Variants in SP110 observed in about 807,000 individuals in gnomAD.
SP110 encodes interferon-induced protein 41, 30kD.
Under a neutral mutation model 92.7 loss-of-function variants are expected in SP110, and 62 were observed. The observed-to-expected ratio is 0.67, with a 90% confidence interval of 0.55 to 0.83. The LOEUF is 0.83. Ranked by LOEUF, SP110 falls within the 40% of genes least tolerant of loss-of-function variation. The pLI, the probability that SP110 is intolerant of heterozygous loss-of-function variation, is 0.00. For missense variants in SP110, 793 were observed against 863.9 expected, an observed-to-expected ratio of 0.92 and a Z score of 1.03; for synonymous variants, 273 against 305.3, an observed-to-expected ratio of 0.89 and a Z score of 1.10.
chr2:230,184,144 C>T (rs1001149758), intron 11 of SP110, among the ~76,000 whole-genome samples: 1 of 152,222 alleles, frequency 6.6e-6, no homozygotes, highest in Non-Finnish European at 1.5e-5. Context: ...CTTTGTCACG[C>T]TACTCAGAAC....
chr2:230,217,752 C>T (rs547167317), intron 1 of SP110, among the ~76,000 whole-genome samples: 1 of 152,292 alleles, frequency 6.6e-6, no homozygotes, highest in Non-Finnish European at 1.5e-5. Context: ...GTTCTATGGC[C>T]ACACTGATCT....
intron 8 of SP110, among the ~76,000 whole-genome samples, chr2:230,207,064 G>A (rs2043944023): frequency 6.6e-6 from 1 of 152,158 alleles, no homozygotes; most frequent in African/African-American, 2.4e-5. Flanking sequence ...CTGGCCTTTG[G>A]AAAGATGCAT....
At chr2:230,177,031 T>C (rs1440577680) in intron 14 of SP110, among the ~76,000 whole-genome samples, 1 of 152,238 alleles carries the variant, frequency 6.6e-6, no homozygotes, top group African/African-American at 2.4e-5. Flanking sequence ...TAGGATTTCA[T>C]CCTAGTGATA....
In SP110 at chr2:230,205,389, C is replaced by A. The variant is rs73100099; in HGVS notation, c.898+2602G>T. 7.6e-3 allele frequency among the ~76,000 whole-genome samples: 1,151 copies of A among 152,280 alleles called. 9 individuals carry two copies. The highest frequency in any genetic ancestry group is 0.026 in the African/African-American group (1,083 of 41,558). ...TTCTTTGCACTTTTGAGTCCCTCTG[C>A]CTGGACCATCCAATCCAAAGTGACT... is the stretch of plus-strand genomic sequence containing the variant. On this transcript the variant is annotated intron_variant, in intron 8 of 18. Coordinates refer to ENST00000258381, the MANE Select transcript of SP110 (RefSeq NM_080424.4).
At chr2:230,179,790 C>T (rs1220338391) in intron 12 of SP110, among the ~76,000 whole-genome samples, 2 of 151,764 alleles carry the variant, frequency 1.3e-5, no homozygotes, top group Non-Finnish European at 2.9e-5. Context: ...CATTCACAAG[C>T]AGATGAGGGA....
chr2:230,208,741 C>G (rs1482044785), intron 7 of SP110, among the ~76,000 whole-genome samples: 1 of 152,190 alleles, frequency 6.6e-6, no homozygotes, highest in African/African-American at 2.4e-5. Flanking sequence ...AGTGAGTGCA[C>G]TCTGCCCTGC....
At position 230,211,454 on chromosome 2, in the gene SP110, A is replaced by G; in HGVS notation, c.751+16T>C. On this transcript the variant is annotated intron_variant, in intron 6 of 18. Transcript: ENST00000258381. The surrounding 1 kb of genome is among the most constrained non-coding windows in gnomAD (Gnocchi z 4.2). ...GAAACAAAGGCAAGCTTTTAGGTTG[A>G]CCAAACCAAGATTACCTGGCATAGA... 1 of 1,531,234 alleles carries G rather than the reference A, an allele frequency of 6.5e-7. No individual in the cohort carries two copies. Among genetic ancestry groups the G allele is most frequent in the Non-Finnish European group, 9.1e-7 (1 of 1,104,450 alleles). 94.9% of individuals were successfully genotyped at this position (1,531,234 alleles called of 1,614,324 possible).
intron 10 of SP110, among the ~76,000 whole-genome samples, chr2:230,191,656 C>T (rs906107626): frequency 6.6e-6 from 1 of 152,086 alleles, no homozygotes; most frequent in African/African-American, 2.4e-5. Context: ...CTACCAACAA[C>T]ACAAAACCCA....
chr2:230,198,101 A>G (rs1252213203), intron 10 of SP110, among the ~76,000 whole-genome samples: 2 of 141,190 alleles, frequency 1.4e-5, no homozygotes, highest in African/African-American at 5.5e-5. Context: ...TCTCTGTAGG[A>G]CAATAGGACC....
intron 8 of SP110, among the ~76,000 whole-genome samples, chr2:230,205,514 T>C (rs2043672753): frequency 6.6e-6 from 1 of 152,216 alleles, no homozygotes. Context: ...CTTTCTAGTT[T>C]ATATTCTTTC....
chr2:230,197,287 TG>T (rs2042921607), intron 10 of SP110, among the ~76,000 whole-genome samples: 1 of 150,828 alleles, frequency 6.6e-6, no homozygotes, highest in Non-Finnish European at 1.5e-5. Context: ...ATTTCTCTGA[TG>T]GCCAGTGATG....
chr2:230,191,785 A>G (rs574066839), intron 10 of SP110, among the ~76,000 whole-genome samples: 11 of 152,344 alleles, frequency 7.2e-5, no homozygotes, highest in African/African-American at 2.4e-4. Flanking sequence ...TCATTTTATG[A>G]AGCCAGCATC....
At position 230,219,888 on chromosome 2, in the gene SP110, T is replaced by C. The variant is rs1165130711; in HGVS notation, c.-16A>G. ...CAGAAACTCACCTGGACTTTGAGTT[T>C]GTCGTTCCTGCCCCTTTCCAGGGGC... On this transcript the variant is annotated 5_prime_UTR_variant, in exon 1 of 19. Transcript: ENST00000258381. 1.0e-6 allele frequency: 1 copy of C among 984,448 alleles called. No individual in the cohort carries two copies. Among genetic ancestry groups the C allele is most frequent in the Non-Finnish European group, 1.2e-6 (1 of 829,038 alleles). The allele number at this position is 984,448 out of a possible 1,614,324, so 61.0% of individuals were successfully genotyped here.
Position 230,170,688 on chromosome 2 carries a change from A to G in SP110, c.1961T>C (p.Met654Thr). The change falls in exon 18 of 19, where the codon ATG becomes ACG. Residue 654 changes from methionine (M) to threonine (T), a missense_variant. Coordinates refer to ENST00000258381, the MANE Select transcript of SP110 (RefSeq NM_080424.4). ...TCGCACAAACCATGCCACCGTGTAC[A>G]TTTCCGTAATCAGCCTTTCCTTAAC... ...DLVKERLITEMYTVAWFVRDM... is the reference protein window; with the variant it reads ...DLVKERLITETYTVAWFVRDM... The G allele has an allele frequency of 1.2e-6, 2 of 1,614,048 alleles. No individual in the cohort carries two copies. Among genetic ancestry groups the G allele is most frequent in the Non-Finnish European group, 1.7e-6 (2 of 1,179,994 alleles).
chr2:230,216,937 A>G lies in SP110; in HGVS notation c.-1-9T>C. 6.2e-7 allele frequency: 1 copy of G among 1,612,614 alleles called. No individual in the cohort carries two copies. On this transcript the variant is annotated splice_polypyrimidine_tract_variant and intron_variant, in intron 1 of 18. Transcript: ENST00000258381. The stretch of plus-strand genomic sequence containing the variant: ...TTGTCATGGTGAACATCCTATGGAA[A>G]GAGGCATGATAAAAAATAGAAGCAA...
chr2:230,176,750 TG>T, intron 14 of SP110: 1 of 1,613,614 alleles, frequency 6.2e-7, no homozygotes, highest in South Asian at 1.1e-5. Context: ...AGTCAATGAA[TG>T]AGGTTATTCT....
At position 230,219,930 on chromosome 2, in the gene SP110, C is replaced by T. The variant is rs201649065; in HGVS notation, c.-58G>A. The stretch of plus-strand genomic sequence containing the variant: ...TCCAGGGGCTGGGACAGGGATCACT[C>T]CTCAAGATTGGGAGAGTTACAGGGA... On this transcript the variant is annotated 5_prime_UTR_variant, in exon 1 of 19. Coordinates refer to ENST00000258381, the MANE Select transcript of SP110 (RefSeq NM_080424.4). The T allele has an allele frequency of 1.0e-5, 10 of 985,460 alleles. No individual in the cohort carries two copies. The African/African-American group carries it at 1.7e-4, about 17-fold the overall frequency. The allele number at this position is 985,460 out of a possible 1,614,324, so 61.0% of individuals were successfully genotyped here.
chr2:230,177,024 G>T (rs749561768), intron 14 of SP110, among the ~76,000 whole-genome samples: 24 of 152,066 alleles, frequency 1.6e-4, no homozygotes, highest in Non-Finnish European at 2.4e-4. Context: ...AAATCTTTAG[G>T]ATTTCATCCT....
Position 230,172,859 on chromosome 2 carries a change from G to A in SP110, c.1691C>T (p.Pro564Leu). The change falls in exon 15 of 19, where the codon CCT (proline) becomes CTT (leucine). Residue 564 changes from proline (P) to leucine (L), a missense_variant. Transcript: ENST00000258381. ...TCCCACTCACCTCTTGGCTTCCACA[G>A]GGGGGATGTGACAGTCCTCATGGAA... The part of the protein sequence containing the change: ...RVFHEDCHIP[P>L]VEAKRMLWSC... 1 of 1,611,256 alleles carries A rather than the reference G, an allele frequency of 6.2e-7. No individual in the cohort carries two copies. The highest frequency in any genetic ancestry group is 8.5e-7 in the Non-Finnish European group (1 of 1,177,400).
Sources: gnomAD v4.1 joint callset for allele counts (sites outside exome capture counted in the v4.1 genomes callset) on GRCh38, gnomAD v4.1.1 for gene constraint, Gnocchi (gnomAD v3.1) non-coding constraint, MANE v1.5 for transcripts, NCBI Gene and HGNC (gene_info 2026-07-23, HGNC 2026-07-21) for gene names.